Variants in CTNNA2 observed in about 807,000 individuals in gnomAD.
The protein encoded by CTNNA2 is catenin alpha 2.
Under a neutral mutation model 101.0 loss-of-function variants are expected in CTNNA2, and 42 were observed. The ratio of observed to expected loss-of-function variants is 0.42; its 90% confidence interval spans 0.32 to 0.54. CTNNA2 has a LOEUF of 0.54. Ranked by LOEUF, CTNNA2 falls within the 20% of genes least tolerant of loss-of-function variation. The pLI, the probability that CTNNA2 is intolerant of heterozygous loss-of-function variation, is 0.14. For synonymous variants in CTNNA2, 450 were observed against 456.4 expected, an observed-to-expected ratio of 0.99 and a Z score of 0.18; for missense variants, 871 against 1,223.1, an observed-to-expected ratio of 0.71 and a Z score of 4.29.
At chr2:80,369,863 C>T (rs765966884) in intron 7 of CTNNA2, among the ~76,000 whole-genome samples, 2 of 152,096 alleles carry the variant, frequency 1.3e-5, no homozygotes, top group Non-Finnish European at 2.9e-5. Context: ...GGAAAAGGCA[C>T]GGAAACAGAT....
chr2:80,553,536 C>T (rs999653803), intron 11 of CTNNA2, among the ~76,000 whole-genome samples: 7 of 152,106 alleles, frequency 4.6e-5, no homozygotes, highest in African/African-American at 1.7e-4. Flanking sequence ...TAAAAACAAA[C>T]TTATTAACTC....
At chr2:79,906,609 CAG>C (rs536138280) in intron 6 of CTNNA2, among the ~76,000 whole-genome samples, 70 of 152,244 alleles carry the variant, frequency 4.6e-4, no homozygotes, top group Non-Finnish European at 5.9e-4. Context: ...AACTTTTATG[CAG>C]AGTTTGTCAA....
At chr2:80,272,855 A>G (rs1051150265) in intron 7 of CTNNA2, among the ~76,000 whole-genome samples, 6 of 152,236 alleles carry the variant, frequency 3.9e-5, no homozygotes, top group Non-Finnish European at 8.8e-5. Context: ...TATTTTGCCA[A>G]GATATTTGCT....
chr2:79,808,049 T>C (rs893105808), intron 3 of CTNNA2, among the ~76,000 whole-genome samples: 15 of 152,322 alleles, frequency 9.8e-5, no homozygotes, highest in Middle Eastern at 6.8e-3. Flanking sequence ...AAATTACTTT[T>C]TACGTGACAT....
intron 4 of CTNNA2, among the ~76,000 whole-genome samples, chr2:79,434,206 G>A (rs546715448): frequency 2.6e-4 from 40 of 151,048 alleles, no homozygotes; most frequent in African/African-American, 9.5e-4. Context: ...ACTGAGGTAG[G>A]AGGATCACCT....
chr2:80,619,283 A>AG, intron 18 of CTNNA2, 55 bp downstream of exon 18: 2 of 1,411,906 alleles, frequency 1.4e-6, no homozygotes, highest in Non-Finnish European at 9.3e-7. Flanking sequence ...TGAATTCTGA[A>AG]GGCAGGGGGG....
At chr2:79,190,271 T>C (rs1673836102) in intron 1 of CTNNA2, among the ~76,000 whole-genome samples, 1 of 151,962 alleles carries the variant, frequency 6.6e-6, no homozygotes. Context: ...CCCTTTTAAT[T>C]TAGGAGTTGG....
At chr2:80,542,877 T>TCC (rs1558568471) in intron 9 of CTNNA2, among the ~76,000 whole-genome samples, 6 of 109,412 alleles carry the variant, frequency 5.5e-5, no homozygotes, top group East Asian at 2.3e-4. Context: ...TCCTGATTTT[T>TCC]TCCCCCCCCC....
intron 2 of CTNNA2, among the ~76,000 whole-genome samples, chr2:79,692,880 G>T: frequency 7.7e-6 from 1 of 129,526 alleles, no homozygotes. Context: ...CGGGGGGTGG[G>T]GGGGCTAGGG....
At chr2:80,442,025 C>G (rs1012402766) in intron 9 of CTNNA2, among the ~76,000 whole-genome samples, 1 of 152,210 alleles carries the variant, frequency 6.6e-6, no homozygotes, top group Non-Finnish European at 1.5e-5. Flanking sequence ...AGGACTGGCT[C>G]TAAGAGGACT....
intron 7 of CTNNA2, among the ~76,000 whole-genome samples, chr2:80,065,408 G>C (rs1412644465): frequency 6.6e-6 from 1 of 151,476 alleles, no homozygotes; most frequent in African/African-American, 2.4e-5. Context: ...CACCAGGCTG[G>C]AGTGCAGTGG....
At chr2:79,263,592 C>T (rs1252069535) in intron 2 of CTNNA2, among the ~76,000 whole-genome samples, 1 of 152,156 alleles carries the variant, frequency 6.6e-6, no homozygotes, top group African/African-American at 2.4e-5. Flanking sequence ...CAGACTAATA[C>T]CATCTCCCAA....
chr2:79,990,178 G>A (rs978609198), intron 7 of CTNNA2, among the ~76,000 whole-genome samples: 3 of 152,184 alleles, frequency 2.0e-5, no homozygotes, highest in Admixed American at 6.5e-5. Context: ...TGTGTGCCTC[G>A]CTCTAGGGAG....
At chr2:79,208,271 A>G (rs1295775704) in intron 2 of CTNNA2, among the ~76,000 whole-genome samples, 1 of 152,166 alleles carries the variant, frequency 6.6e-6, no homozygotes, top group Non-Finnish European at 1.5e-5. Flanking sequence ...ATGGCTCTGC[A>G]ATGGGTGCAA....
chr2:79,484,895 T>C (rs1473333393), intron 4 of CTNNA2, among the ~76,000 whole-genome samples: 2 of 152,232 alleles, frequency 1.3e-5, no homozygotes, highest in African/African-American at 4.8e-5. Flanking sequence ...CAGAAATTTC[T>C]TGTCCAAATT....
At chr2:80,092,035 G>A (rs541509746) in intron 7 of CTNNA2, among the ~76,000 whole-genome samples, 1 of 151,964 alleles carries the variant, frequency 6.6e-6, no homozygotes, top group Non-Finnish European at 1.5e-5. Context: ...ATTTACTTTT[G>A]TGTCTCTAGC....
At chr2:80,513,071 G>T (rs909031794) in intron 9 of CTNNA2, among the ~76,000 whole-genome samples, 13 of 152,150 alleles carry the variant, frequency 8.5e-5, no homozygotes, top group Admixed American at 2.6e-4. Context: ...ACCCACAAGT[G>T]CTCCTCTCTT....
At chr2:80,149,343 A>T (rs1703550409) in intron 7 of CTNNA2, among the ~76,000 whole-genome samples, 1 of 152,282 alleles carries the variant, frequency 6.6e-6, no homozygotes, top group African/African-American at 2.4e-5. Flanking sequence ...TGATCCTGTT[A>T]TGAGAAGTCT....
intron 7 of CTNNA2, among the ~76,000 whole-genome samples, chr2:80,153,682 T>G (rs1703838174): frequency 1.3e-5 from 2 of 152,156 alleles, no homozygotes. Flanking sequence ...CAGATGATGT[T>G]GGGAGCATGG....
Sources: gnomAD v4.1 joint callset for allele counts (sites outside exome capture counted in the v4.1 genomes callset) on GRCh38, gnomAD v4.1.1 for gene constraint, MANE v1.5 for transcripts, NCBI Gene and HGNC (gene_info 2026-07-23, HGNC 2026-07-21) for gene names.